The following AK5 variants were observed in gnomAD, a reference collection of about 807,000 sequenced individuals.
AK5 encodes the protein adenylate kinase isoenzyme 5.
AK5 carries 27 observed loss-of-function variants against 69.5 expected under a neutral mutation model. The ratio of observed to expected loss-of-function variants is 0.39; its 90% CI spans 0.29 to 0.54. The LOEUF (loss-of-function observed/expected upper bound fraction) is 0.54. Ranked by LOEUF, AK5 falls within the 20% of genes least tolerant of loss-of-function variation. AK5 has a pLI of 0.71. For missense variants in AK5, 531 were observed against 700.4 expected (o/e 0.76, Z 2.73); for synonymous variants, 260 against 244.4 (o/e 1.06, Z -0.60).
intron 6 of AK5, among the ~76,000 whole-genome samples, chr1:77,405,902 C>A (rs1047439376): frequency 6.6e-6 from 1 of 151,784 alleles, no homozygotes; most frequent in African/African-American, 2.4e-5. Flanking sequence ...GCCTTACTCC[C>A]CTTTTCCACT....
chr1:77,350,770 T>C (rs1006807761), intron 6 of AK5, among the ~76,000 whole-genome samples: 1 of 152,080 alleles, frequency 6.6e-6, no homozygotes, highest in African/African-American at 2.4e-5. Context: ...CTTTGGATAG[T>C]GTTCATGGCA....
At chr1:77,382,013 A>G (rs1647670338) in intron 6 of AK5, among the ~76,000 whole-genome samples, 3 of 152,172 alleles carry the variant, frequency 2.0e-5, no homozygotes. Context: ...GAGGCTGCCC[A>G]GGTCAAAGGT....
chr1:77,282,443 C>T (rs377733922), intron 1 of AK5, 70 bp downstream of exon 1: 9 of 1,497,278 alleles, frequency 6.0e-6, no homozygotes, highest in African/African-American at 5.6e-5. Context: ...GTTGAGGCAG[C>T]CGCGCCCCGT....
chr1:77,493,866 G>A (rs1557633618), intron 10 of AK5, among the ~76,000 whole-genome samples: 2 of 152,320 alleles, frequency 1.3e-5, no homozygotes, highest in Non-Finnish European at 1.5e-5. Context: ...GCATTTTGTG[G>A]TGACAATGAA....
At position 77,448,115 on chromosome 1, in the gene AK5, G is replaced by A. The variant is rs551585023; in HGVS notation, c.1059+30400G>A. Among the ~76,000 whole-genome samples, 10 of 152,258 alleles carry A rather than the reference G, an allele frequency of 6.6e-5. No individual in the cohort carries two copies. In the South Asian group the frequency reaches 1.0e-3, roughly 16 times the overall value. The stretch of plus-strand genomic sequence containing the variant: ...GAACAGCCTGGGCACTGTGGACAGC[G>A]GGTTGATGGCAGTAGGAAAAAGACA... On this transcript the variant is annotated intron_variant, in intron 8 of 13. Coordinates refer to ENST00000354567, the MANE Select transcript of AK5 (RefSeq NM_174858.3).
At chr1:77,294,089 G>A in intron 3 of AK5, 129 bp downstream of exon 3, 2 of 755,498 alleles carry the variant, frequency 2.6e-6, no homozygotes, top group Non-Finnish European at 4.1e-6. Flanking sequence ...AAAGCTCAAG[G>A]GACAATAAAT....
Position 77,558,941 on chromosome 1 carries a change from C to G in AK5, c.*271C>G. On this transcript the variant is annotated 3_prime_UTR_variant, in exon 14 of 14. Coordinates refer to ENST00000354567, the MANE Select transcript of AK5 (RefSeq NM_174858.3). ...CACACACTTTGTATCATGCAGGCCA[C>G]ACTCAGAGCTAGTCAGTACATGAAC... 1 of 362,054 alleles carries G rather than the reference C, an allele frequency of 2.8e-6. No individual in the cohort carries two copies. Among genetic ancestry groups the G allele is most frequent in the Non-Finnish European group, 5.2e-6 (1 of 192,890 alleles). 22.4% of individuals were successfully genotyped at this position (362,054 alleles called of 1,614,324 possible). A position where few individuals can be genotyped will look rare whatever the true frequency, so the allele number is the denominator to read the frequency against.
intron 11 of AK5, among the ~76,000 whole-genome samples, chr1:77,520,992 TACCA>T (rs1197931748): frequency 2.6e-5 from 4 of 152,238 alleles, no homozygotes; most frequent in Non-Finnish European, 5.9e-5. Flanking sequence ...CTACTTCATT[TACCA>T]TAGCACTTGC....
At position 77,413,321 on chromosome 1, in the gene AK5, C is replaced by G. The variant is rs536658974; in HGVS notation, c.982+2250C>G. On this transcript the variant is annotated intron_variant, in intron 7 of 13. Transcript: ENST00000354567. ...TCTCCCAACCCCATAGAGCCCCATC[C>G]TGCACCTGGCCAGATTCTACTTTGC... 1.2e-4 allele frequency among the ~76,000 whole-genome samples: 18 copies of G among 152,266 alleles called. 1 individual carries two copies. Among genetic ancestry groups the G allele is most frequent in the African/African-American group, 4.1e-4 (17 of 41,546 alleles).
intron 6 of AK5, among the ~76,000 whole-genome samples, chr1:77,382,051 A>G (rs1345116947): frequency 6.6e-6 from 1 of 152,164 alleles, no homozygotes; most frequent in Admixed American, 6.5e-5. Context: ...GAGATCTCGG[A>G]CAACCATTTT....
intron 8 of AK5, among the ~76,000 whole-genome samples, chr1:77,421,509 A>T (rs1650811855): frequency 6.6e-6 from 1 of 152,198 alleles, no homozygotes; most frequent in South Asian, 2.1e-4. Flanking sequence ...GGGATTATGG[A>T]TGGGAAGGAG....
At chr1:77,298,084 G>A in intron 5 of AK5, 137 bp downstream of exon 5, 1 of 502,492 alleles carries the variant, frequency 2.0e-6, no homozygotes, top group Non-Finnish European at 3.4e-6. Flanking sequence ...ACATCAGTAT[G>A]GGTTGGCAGA....
chr1:77,509,509 G>C lies in AK5; in HGVS notation c.1148-9055G>C, dbSNP rs555575945. Among the ~76,000 whole-genome samples, 6 of 152,078 alleles carry C rather than the reference G, an allele frequency of 3.9e-5. No individual in the cohort carries two copies. The East Asian group carries it at 9.6e-4, about 24-fold the overall frequency. The stretch of plus-strand genomic sequence containing the variant: ...TGGTTGAGGATCATTCTTAGGGCAC[G>C]GTCAGTTCATGATCTGATGGCATAA... On this transcript the variant is annotated intron_variant, in intron 10 of 13. Coordinates refer to ENST00000354567, the MANE Select transcript of AK5 (RefSeq NM_174858.3).
intron 12 of AK5, chr1:77,531,989 TCCGG>T (rs78163096): frequency 0.045 from 6,723 of 148,606 alleles, 238 homozygotes; most frequent in East Asian, 0.15. Context: ...CCTGCGGCCA[TCCGG>T]CCGGCCGGCC....
rs754984124 is a variant in AK5, at chr1:77,411,082, G to C, written c.982+11G>C. ...AAGAGGCTGCAGCAGGTAAGTCACTGTGTCCTTTAGACAACAGTACGCCGT... is the reference window on the plus strand; with the variant it reads ...AAGAGGCTGCAGCAGGTAAGTCACTCTGTCCTTTAGACAACAGTACGCCGT... On this transcript the variant is annotated intron_variant, in intron 7 of 13. Coordinates refer to ENST00000354567, the MANE Select transcript of AK5 (RefSeq NM_174858.3). The C allele has an allele frequency of 6.2e-7, 1 of 1,610,910 alleles. No homozygotes were observed. Among genetic ancestry groups the C allele is most frequent in the Non-Finnish European group, 8.5e-7 (1 of 1,178,446 alleles).
rs566319770 is a variant in AK5 at position 77,372,750 on chromosome 1, A to G, written c.891+32182A>G. Among the ~76,000 whole-genome samples, 28 of 145,414 alleles carry G rather than the reference A, an allele frequency of 1.9e-4. No homozygotes were observed. In the South Asian group the frequency reaches 6.0e-3, roughly 31 times the overall value. On this transcript the variant is annotated intron_variant, in intron 6 of 13. Coordinates refer to ENST00000354567, the MANE Select transcript of AK5 (RefSeq NM_174858.3). ...TTTCAAACATTTTGGTGTTCTTTCT[A>G]AATAAAATGTGTGTGTGTGTGCGTG...
chr1:77,417,686 A>T lies in AK5; in HGVS notation c.1030A>T (p.Ile344Phe), dbSNP rs1311452089. 6.2e-7 allele frequency: 1 copy of T among 1,607,100 alleles called. No homozygotes were observed. The highest frequency in any genetic ancestry group is 1.1e-5 in the South Asian group (1 of 90,502). The change falls in exon 8 of 14, where the codon ATT becomes TTT. Residue 344 changes from isoleucine to phenylalanine, a missense_variant. Ile to Phe is a conservative substitution (Grantham distance 21). Coordinates refer to ENST00000354567, the MANE Select transcript of AK5 (RefSeq NM_174858.3). ...GATGATATTGGACACTGGAGAGATC[A>T]TTGATACAGGATCTGATTATGAAGA... ...PSMILDTGEI[I>F]DTGSDYEDQG...
chr1:77,449,226 G>T (rs985614699), intron 8 of AK5, among the ~76,000 whole-genome samples: 1 of 152,322 alleles, frequency 6.6e-6, no homozygotes, highest in South Asian at 2.1e-4. Flanking sequence ...AGCCAGAAGA[G>T]GGGGGTATAC....
intron 6 of AK5, among the ~76,000 whole-genome samples, chr1:77,369,376 A>G (rs1452077849): frequency 2.0e-5 from 3 of 152,196 alleles, no homozygotes; most frequent in African/African-American, 7.2e-5. Context: ...CAAACATTTT[A>G]GAGAAGTGTT....
Sources: gnomAD v4.1 joint callset for allele counts (sites outside exome capture counted in the v4.1 genomes callset) on GRCh38, gnomAD v4.1.1 for gene constraint, MANE v1.5 for transcripts, NCBI Gene and HGNC (gene_info 2026-07-23, HGNC 2026-07-21) for gene names.